Variants in OR56A1 observed in about 807,000 individuals in gnomAD.
OR56A1 encodes olfactory receptor 56A1.
For synonymous variants in OR56A1, 174 were observed against 159.1 expected (o/e 1.09, Z -0.70); for missense variants, 360 against 380.9 (o/e 0.94, Z 0.46).
chr11:6,026,447 A>G lies in OR56A1; in HGVS notation c.*301T>C, dbSNP rs576197453. 1 of 281,082 alleles carries G rather than the reference A, an allele frequency of 3.6e-6. No individual in the cohort carries two copies. The highest frequency in any genetic ancestry group is 6.7e-6 in the Non-Finnish European group (1 of 149,138). The allele number at this position is 281,082 out of a possible 1,614,324, so 17.4% of individuals were successfully genotyped here. A position where few individuals can be genotyped will look rare whatever the true frequency, so the allele number is the denominator to read the frequency against. The stretch of plus-strand genomic sequence containing the variant: ...ATCTTTGGTCATTTCCCTTCCTAAA[A>G]GCATCTCTTTTTCTACTATGTGAAA... On this transcript the variant is annotated 3_prime_UTR_variant, in exon 2 of 2. Coordinates refer to ENST00000641900, the MANE Select transcript of OR56A1 (RefSeq NM_001388488.1).
rs1848459261 is a variant in OR56A1 at position 6,027,187 on chromosome 11, A to G, written c.506T>C (p.Leu169Pro). The G allele has an allele frequency of 1.9e-6, 3 of 1,614,218 alleles. No homozygotes were observed. Among genetic ancestry groups the G allele is most frequent in the Non-Finnish European group, 2.5e-6 (3 of 1,180,018 alleles). ...TAPIPILTSLLHYCGENVIEN... is the reference protein window; with the variant it reads ...TAPIPILTSLPHYCGENVIEN... The stretch of plus-strand genomic sequence containing the variant: ...AATGACATTTTCCCCACAGTAATGG[A>G]GCAGGGAAGTGAGGATAGGAATGGG... The change falls in exon 2 of 2, where the codon CTC (leucine) becomes CCC (proline). Residue 169 changes from leucine to proline, a missense_variant. Transcript: ENST00000641900.
Position 6,026,758 on chromosome 11 carries a change from CT to C in OR56A1, c.934del (p.Arg312GlufsTer10). 1 of 1,588,144 alleles carries C rather than the reference CT, an allele frequency of 6.3e-7. No homozygotes were observed. The highest frequency in any genetic ancestry group is 8.6e-7 in the Non-Finnish European group (1 of 1,163,970). The stretch of plus-strand genomic sequence containing the variant: ...AAATGCTTTACATATTCACCTCCCT[CT>C]CTGCAGTAACTTCTGAATTCCCTGT... Reference protein sequence around the residue: ...IKQGIQKLLQRGR With the variant: ...IKQGIQKLLQXGR On this transcript the variant is annotated frameshift_variant, in exon 2 of 2. Coordinates refer to ENST00000641900, the MANE Select transcript of OR56A1 (RefSeq NM_001388488.1). LOFTEE classifies it high-confidence loss of function.
upstream of OR56A1, among the ~76,000 whole-genome samples, chr11:6,032,215 C>T (rs149461729): frequency 7.2e-3 from 1,089 of 152,038 alleles, 8 homozygotes; most frequent in Non-Finnish European, 0.012. Context: ...CCATTTCAAA[C>T]TTATAATAGA....
chr11:6,033,835 C>T (rs895185642), upstream of OR56A1, among the ~76,000 whole-genome samples: 1 of 152,116 alleles, frequency 6.6e-6, no homozygotes, highest in Non-Finnish European at 1.5e-5. Flanking sequence ...TTATATTTTT[C>T]TATTTTAAAC....
chr11:6,026,534 G>C lies in OR56A1; in HGVS notation c.*214C>G. On this transcript the variant is annotated 3_prime_UTR_variant, in exon 2 of 2. Transcript: ENST00000641900. ...TAAATTACTTAAATGTAACTGCCAA[G>C]GTTCAAAGCAGCCACTCAATAAATA... The C allele has an allele frequency of 5.9e-6, 3 of 505,602 alleles. No individual in the cohort carries two copies. The highest frequency in any genetic ancestry group is 3.7e-5 in the Admixed American group (1 of 26,850). 31.3% of individuals were successfully genotyped at this position (505,602 alleles called of 1,614,324 possible). A position where few individuals can be genotyped will look rare whatever the true frequency, so the allele number is the denominator to read the frequency against.
Position 6,019,838 on chromosome 11 carries a change from A to G in OR56A1, c.*6910T>C, listed in dbSNP as rs1199732338. On this transcript the variant is annotated 3_prime_UTR_variant, in exon 2 of 2. Transcript: ENST00000641900. ...TCAAAAGCATTTAGGCACAGTATTC[A>G]ATTCGTCAGTCACTCTGTGAATTCA... The G allele has an allele frequency of 1.3e-5, 2 of 152,114 alleles. No individual in the cohort carries two copies. The highest frequency in any genetic ancestry group is 1.3e-4 in the Admixed American group (2 of 15,266). The allele number at this position is 152,114 out of a possible 1,614,324, so 9.4% of individuals were successfully genotyped here.
rs931355633 is a variant in OR56A1, at chr11:6,026,496, A to T, written c.*252T>A. The T allele has an allele frequency of 1.1e-5, 5 of 437,018 alleles. No homozygotes were observed. The highest frequency in any genetic ancestry group is 2.0e-5 in the Non-Finnish European group (5 of 247,082). 27.1% of individuals were successfully genotyped at this position (437,018 alleles called of 1,614,324 possible). On this transcript the variant is annotated 3_prime_UTR_variant, in exon 2 of 2. Transcript: ENST00000641900. Reference sequence around the variant, plus strand: ...AATGAAAGTAACAATGCCTGCAGAGATGTGTTGAAGATTAAATTACTTAAA... The same window carrying T: ...AATGAAAGTAACAATGCCTGCAGAGTTGTGTTGAAGATTAAATTACTTAAA...
chr11:6,031,144 G>A (rs1205447365), upstream of OR56A1, among the ~76,000 whole-genome samples: 2 of 152,144 alleles, frequency 1.3e-5, no homozygotes, highest in Non-Finnish European at 2.9e-5. Flanking sequence ...ATAAAAAATG[G>A]ATTATGTGAA....
chr11:6,032,504 G>GA (rs1477414992), upstream of OR56A1, among the ~76,000 whole-genome samples: 3 of 152,116 alleles, frequency 2.0e-5, no homozygotes, highest in Non-Finnish European at 1.5e-5. Context: ...AAAGCCCACT[G>GA]AAAAATATTT....
At chr11:6,031,151 T>C (rs1309537810), upstream of OR56A1, among the ~76,000 whole-genome samples, 2 of 152,162 alleles carry the variant, frequency 1.3e-5, no homozygotes, top group Non-Finnish European at 2.9e-5. Context: ...ATGGATTATG[T>C]GAAAGCATGG....
At position 6,026,800 on chromosome 11, in the gene OR56A1, C is replaced by T. The variant is rs182003370; in HGVS notation, c.893G>A (p.Arg298Gln). 49 of 1,613,002 alleles carry T rather than the reference C, an allele frequency of 3.0e-5. No homozygotes were observed. Among genetic ancestry groups the T allele is most frequent in the African/African-American group, 2.5e-4 (19 of 75,022 alleles). ...PALNPIVYGV[R>Q]TKEIKQGIQK... The stretch of plus-strand genomic sequence containing the variant: ...AATTCCCTGTTTTATCTCTTTGGTC[C>T]GAACCCCATACACAATAGGGTTCAA... The change falls in exon 2 of 2, where the codon CGG (arginine) becomes CAG (glutamine). Residue 298 changes from arginine (R) to glutamine (Q), a missense_variant. By Grantham distance (43) the Arg-to-Gln change is conservative. Transcript: ENST00000641900.
upstream of OR56A1, among the ~76,000 whole-genome samples, chr11:6,032,532 G>A (rs528091659): frequency 6.6e-6 from 1 of 152,166 alleles, no homozygotes; most frequent in Non-Finnish European, 1.5e-5. Flanking sequence ...ACTGGCCCTG[G>A]TGTTTAACAT....
upstream of OR56A1, among the ~76,000 whole-genome samples, chr11:6,033,534 A>T (rs1413920254): frequency 1.3e-5 from 2 of 151,540 alleles, no homozygotes; most frequent in Non-Finnish European, 2.9e-5. Flanking sequence ...CAATTAGTAC[A>T]TCTGGAGTGG....
rs1205168757 is a variant in OR56A1, at chr11:6,021,046, A to G, written c.*5702T>C. On this transcript the variant is annotated 3_prime_UTR_variant, in exon 2 of 2. Transcript: ENST00000641900. ...CCTTCTCAAGTCTGACAGCCTTAAA[A>G]TAAACATCATTAAGTAGAAAAAGAG... 1 of 152,122 alleles carries G rather than the reference A, an allele frequency of 6.6e-6. No homozygotes were observed. Among genetic ancestry groups the G allele is most frequent in the Non-Finnish European group, 1.5e-5 (1 of 67,976 alleles). The allele number at this position is 152,122 out of a possible 1,614,324, so 9.4% of individuals were successfully genotyped here.
In OR56A1 at chr11:6,022,066, G is replaced by T. The variant is rs1167289916; in HGVS notation, c.*4682C>A. ...GCATAGAGTAATCAGATGAGAGCTT[G>T]GGTGGTCTCCCTTGATAAGGAGGTA... On this transcript the variant is annotated 3_prime_UTR_variant, in exon 2 of 2. Coordinates refer to ENST00000641900, the MANE Select transcript of OR56A1 (RefSeq NM_001388488.1). 6.6e-6 allele frequency: 1 copy of T among 152,092 alleles called. No homozygotes were observed. The highest frequency in any genetic ancestry group is 1.5e-5 in the Non-Finnish European group (1 of 67,984). The allele number at this position is 152,092 out of a possible 1,614,324, so 9.4% of individuals were successfully genotyped here.
chr11:6,026,688 G>A lies in OR56A1; in HGVS notation c.*60C>T, dbSNP rs1354278933. On this transcript the variant is annotated 3_prime_UTR_variant, in exon 2 of 2. Coordinates refer to ENST00000641900, the MANE Select transcript of OR56A1 (RefSeq NM_001388488.1). ...TCACTAACTGACATTTCTCTACTTC[G>A]CTGCCTAGGTAAAATCACTGAAGAG... is the stretch of plus-strand genomic sequence containing the variant. The A allele has an allele frequency of 8.6e-6, 9 of 1,046,546 alleles. No individual in the cohort carries two copies. The highest frequency in any genetic ancestry group is 4.8e-5 in the African/African-American group (3 of 62,868). The allele number at this position is 1,046,546 out of a possible 1,614,324, so 64.8% of individuals were successfully genotyped here.
rs1435491268 is a variant in OR56A1, at chr11:6,027,569, T to C, written c.124A>G (p.Met42Val). 1 of 1,613,828 alleles carries C rather than the reference T, an allele frequency of 6.2e-7. No individual in the cohort carries two copies. Among genetic ancestry groups the C allele is most frequent in the Non-Finnish European group, 8.5e-7 (1 of 1,179,992 alleles). Residue 42 changes from methionine to valine, a missense_variant, in exon 2 of 2, where the codon ATG (methionine) becomes GTG (valine). Coordinates refer to ENST00000641900, the MANE Select transcript of OR56A1 (RefSeq NM_001388488.1). ...LPLSLLFLLA[M>V]GANTTLLITI... ...ATCAGGAGGGTGGTGTTAGCTCCCATGGCCAGGAGGAAGAGAAGGCTGAGG... is the reference window on the plus strand; with the variant it reads ...ATCAGGAGGGTGGTGTTAGCTCCCACGGCCAGGAGGAAGAGAAGGCTGAGG...
chr11:6,029,703 G>A (rs986235396), intron 1 of OR56A1, among the ~76,000 whole-genome samples: 7 of 151,966 alleles, frequency 4.6e-5, no homozygotes, highest in East Asian at 1.9e-4. Context: ...TCATTTTCTC[G>A]AACACATCCA....
At chr11:6,030,417 C>G (rs567213933) in intron 1 of OR56A1, among the ~76,000 whole-genome samples, 3 of 151,662 alleles carry the variant, frequency 2.0e-5, no homozygotes, top group South Asian at 2.1e-4. Context: ...ACTATATAAA[C>G]AGGGTATAGA....
Sources: allele counts gnomAD v4.1 joint callset (sites outside exome capture counted in the v4.1 genomes callset), GRCh38; gene constraint gnomAD v4.1.1; transcripts MANE v1.5; gene names NCBI Gene and HGNC (gene_info 2026-07-23, HGNC 2026-07-21).